Variants in MYH2 observed in about 807,000 individuals in gnomAD.
MYH2 encodes myosin heavy chain 2, also known as myosin-2.
In MYH2, 139 loss-of-function variants were observed where a neutral mutation model predicts 228.1. The observed-to-expected ratio is 0.61, with a 90% confidence interval of 0.53 to 0.70. The LOEUF is 0.70. Ranked by LOEUF, MYH2 falls within the 30% of genes least tolerant of loss-of-function variation. The pLI, the probability that MYH2 is intolerant of heterozygous loss-of-function variation, is 0.00. For synonymous variants in MYH2, 796 were observed against 871.1 expected (o/e 0.91, Z 1.52); for missense variants, 1,809 against 2,357.5 (o/e 0.77, Z 4.82).
intron 22 of MYH2, 53 bp from the exon 23 acceptor site, chr17:10,530,127 A>G (rs2073408227): frequency 1.9e-6 from 3 of 1,612,548 alleles, no homozygotes; most frequent in Non-Finnish European, 1.7e-6. Context: ...ATACTTCACA[A>G]TGGATAAGAG....
Position 10,529,007 on chromosome 17 carries a change from A to T in MYH2, c.3427T>A (p.Ser1143Thr). 1 of 1,614,176 alleles carries T rather than the reference A, an allele frequency of 6.2e-7. No individual in the cohort carries two copies. Reference protein sequence around the residue: ...ASRAKAEKQRSDLSRELEEIS... With the variant: ...ASRAKAEKQRTDLSRELEEIS... ...TCCTCCAGCTCCCGGGAGAGGTCAG[A>T]GCGCTGCTTCTCTGCTTTGGCCCGG... The change falls in exon 27 of 40, where the codon TCT becomes ACT. Residue 1143 changes from serine (S) to threonine (T), a missense_variant. Physicochemically the swap from Ser to Thr is moderately conservative, Grantham distance 58. Around this residue, in one of 9 missense-constraint regions of MYH2, gnomAD observed 636 missense variants for 729.9 expected, o/e 0.87. Transcript: ENST00000245503.
Position 10,523,330 on chromosome 17 carries a change from C to T in MYH2, c.5555G>A (p.Arg1852Gln), listed in dbSNP as rs769778269. The T allele has an allele frequency of 1.1e-5, 18 of 1,614,180 alleles. No individual in the cohort carries two copies. Among genetic ancestry groups the T allele is most frequent in the East Asian group, 2.2e-5 (1 of 44,890 alleles). Residue 1852 changes from arginine to glutamine, a missense_variant, in exon 38 of 40, where the codon CGA becomes CAA. Physicochemically the swap from Arg to Gln is conservative, Grantham distance 43. Transcript: ENST00000245503. ...AVKGLRKHER[R>Q]VKELTYQTEE... The stretch of plus-strand genomic sequence containing the variant: ...TACCTGGTAAGTGAGTTCCTTCACT[C>T]GCCTCTCATGTTTGCGCAGACCTTT...
chr17:10,521,483 C>T (rs764881698), intron 39 of MYH2, 51 bp from the exon 40 acceptor site: 11 of 1,582,914 alleles, frequency 6.9e-6, no homozygotes, highest in Non-Finnish European at 9.5e-6. Flanking sequence ...TCTTTCTAGA[C>T]TCTTTAGACC....
At position 10,537,525 on chromosome 17, in the gene MYH2, G is replaced by A. The variant is rs776466384; in HGVS notation, c.1605C>T (p.Ser535=). 1.2e-6 allele frequency: 2 copies of A among 1,614,076 alleles called. No homozygotes were observed. Among genetic ancestry groups the A allele is most frequent in the Admixed American group, 1.7e-5 (1 of 60,002 alleles). Residue 535 remains serine (S), a synonymous_variant, in exon 16 of 40, where the codon TCC becomes TCT. Transcript: ENST00000245503. The surrounding 1 kb of genome is among the most constrained non-coding windows in gnomAD (Gnocchi z 4.0). The part of the protein sequence containing the change: ...ELIEKPMGIF[S]ILEEECMFPK... ...GGAACATGCACTCCTCTTCCAGGAT[G>A]GAGAAGATGCCCATAGGCTAAAAAG... is the stretch of plus-strand genomic sequence containing the variant.
At chr17:10,543,583 C>G in intron 8 of MYH2, 128 bp downstream of exon 8, 1 of 1,385,402 alleles carries the variant, frequency 7.2e-7, no homozygotes, top group South Asian at 1.2e-5. Flanking sequence ...TTATTACATG[C>G]TCAGAGGAAA....
chr17:10,528,623 C>T (rs2073383725), intron 27 of MYH2, 67 bp downstream of exon 27: 21 of 1,610,820 alleles, frequency 1.3e-5, no homozygotes, highest in Middle Eastern at 1.6e-4. Context: ...TAAAAAGTGC[C>T]CTGTGCAAAC....
chr17:10,544,426 C>T lies in MYH2; in HGVS notation c.506-299G>A, dbSNP rs73974760. Among the ~76,000 whole-genome samples the T allele has an allele frequency of 0.011, 1,664 of 152,290 alleles. 34 individuals carry two copies. Among genetic ancestry groups the T allele is most frequent in the African/African-American group, 0.038 (1,599 of 41,558 alleles). On this transcript the variant is annotated intron_variant, in intron 5 of 39. Transcript: ENST00000245503. Reference sequence around the variant, plus strand: ...AATGCCACTCTATAAGTGATGACCACGTGGCTGTGTATTCCTGAAGCACCA... The same window carrying T: ...AATGCCACTCTATAAGTGATGACCATGTGGCTGTGTATTCCTGAAGCACCA...
rs1443344154 is a variant in MYH2, at chr17:10,525,913, C to T, written c.4188-37G>A. The T allele has an allele frequency of 6.2e-7, 1 of 1,604,750 alleles. No individual in the cohort carries two copies. The highest frequency in any genetic ancestry group is 8.5e-7 in the Non-Finnish European group (1 of 1,172,450). The stretch of plus-strand genomic sequence containing the variant: ...TACATGTTTTCAGAGAGAAGTGAAC[C>T]ATAATATGAATTATGAGCTATTGCC... On this transcript the variant is annotated intron_variant, in intron 30 of 39. Coordinates refer to ENST00000245503, the MANE Select transcript of MYH2 (RefSeq NM_017534.6). This position sits in a 1 kb window ranked among gnomAD's most constrained non-coding sequence, Gnocchi z 4.2.
intron 19 of MYH2, among the ~76,000 whole-genome samples, chr17:10,534,387 T>G (rs946835574): frequency 6.6e-6 from 1 of 152,234 alleles, no homozygotes; most frequent in Admixed American, 6.5e-5. Flanking sequence ...TTTGGGCAAG[T>G]ACCTTAATTT....
intron 17 of MYH2, among the ~76,000 whole-genome samples, chr17:10,536,286 A>G (rs1337432722): frequency 6.6e-6 from 1 of 152,180 alleles, no homozygotes; most frequent in African/African-American, 2.4e-5. Context: ...ATGTAACCCA[A>G]CACCACCTGT....
At chr17:10,535,026 T>C in intron 19 of MYH2, 47 bp downstream of exon 19, 1 of 1,589,372 alleles carries the variant, frequency 6.3e-7, no homozygotes, top group Non-Finnish European at 8.6e-7. Flanking sequence ...TGCATTAAAC[T>C]TGTTCATATT....
chr17:10,525,047 C>T lies in MYH2; in HGVS notation c.4681G>A (p.Glu1561Lys), dbSNP rs748063533. The T allele has an allele frequency of 3.1e-6, 5 of 1,614,122 alleles. No individual in the cohort carries two copies. The highest frequency in any genetic ancestry group is 1.1e-5 in the South Asian group (1 of 91,082). ...EEAEASLEHE[E>K]GKILRIQLEL... ...AGCTGGATGCGCAGGATCTTTCCCT[C>T]TTCATGTTCAAGAGATGCCTTAATG... Residue 1561 changes from glutamate (E) to lysine (K), a missense_variant, in exon 34 of 40, where the codon GAG (glutamate) becomes AAG (lysine). Around this residue, in one of 9 missense-constraint regions of MYH2, gnomAD observed 636 missense variants for 729.9 expected, o/e 0.87. Coordinates refer to ENST00000245503, the MANE Select transcript of MYH2 (RefSeq NM_017534.6). This position sits in a 1 kb window ranked among gnomAD's most constrained non-coding sequence, Gnocchi z 4.2.
chr17:10,535,310 C>T lies in MYH2; in HGVS notation c.2030G>A (p.Arg677Lys). ...TTTTGTCTCATTGGGGATGATACAC[C>T]TCACAAAGTGAGGATGGGTACTCCT... ...NLRSTHPHFV[R>K]CIIPNETKTP... The change falls in exon 18 of 40, where the codon AGG becomes AAG. Residue 677 changes from arginine (R) to lysine (K), a missense_variant. By Grantham distance (26) the Arg-to-Lys change is conservative. Transcript: ENST00000245503. 6.2e-7 allele frequency: 1 copy of T among 1,614,122 alleles called. No individual in the cohort carries two copies. Among genetic ancestry groups the T allele is most frequent in the Non-Finnish European group, 8.5e-7 (1 of 1,180,006 alleles).
chr17:10,527,239 G>A (rs183705052), intron 28 of MYH2, among the ~76,000 whole-genome samples, 183 bp from the exon 29 acceptor site: 47 of 152,214 alleles, frequency 3.1e-4, no homozygotes, highest in Admixed American at 2.6e-3. Flanking sequence ...CAGATCAATC[G>A]GAATGAATAA....
Position 10,521,255 on chromosome 17 carries a change from G to A in MYH2, c.*25C>T, listed in dbSNP as rs1331608758. The A allele has an allele frequency of 8.1e-6, 13 of 1,612,434 alleles. No homozygotes were observed. Among genetic ancestry groups the A allele is most frequent in the Middle Eastern group, 2.0e-4 (1 of 5,008 alleles). On this transcript the variant is annotated 3_prime_UTR_variant, in exon 40 of 40. Transcript: ENST00000245503. ...ATGTCACATTTTGTGCCTGTCTTCA[G>A]TCATTCCATGGCATCAGGACATGAT...
chr17:10,536,438 C>T, intron 17 of MYH2, 92 bp downstream of exon 17: 1 of 1,031,926 alleles, frequency 9.7e-7, no homozygotes, highest in Non-Finnish European at 1.5e-6. Context: ...ATAAATATAT[C>T]CTTAGAACAA....
intron 14 of MYH2, among the ~76,000 whole-genome samples, chr17:10,538,358 A>C (rs1381632089): frequency 1.3e-5 from 2 of 152,172 alleles, no homozygotes; most frequent in Admixed American, 6.5e-5. Flanking sequence ...AAAGTATGAC[A>C]ATATACATTT....
rs765877777 is a variant in MYH2, at chr17:10,547,799, G to A, written c.122C>T (p.Ala41Val). 31 of 1,614,092 alleles carry A rather than the reference G, an allele frequency of 1.9e-5. 2 individuals are homozygous for A. In the South Asian group the frequency reaches 2.6e-4, roughly 14 times the overall value. The change falls in exon 3 of 40, where the codon GCG becomes GTG. Residue 41 changes from alanine to valine, a missense_variant. By Grantham distance (64) the Ala-to-Val change is moderately conservative. Transcript: ENST00000245503. ...PFDAKTSVFV[A>V]EPKESFVKGT... is the part of the protein sequence containing the mutation. ...TTTGACAAAGGATTCTTTGGGCTCCGCCACAAAGACAGATGTTTTGGCATC... is the reference window on the plus strand; with the variant it reads ...TTTGACAAAGGATTCTTTGGGCTCCACCACAAAGACAGATGTTTTGGCATC...
At chr17:10,527,156 T>G in intron 28 of MYH2, 100 bp from the exon 29 acceptor site, 1 of 1,058,418 alleles carries the variant, frequency 9.4e-7, no homozygotes, top group Non-Finnish European at 1.5e-6. Context: ...CCAAATTGAG[T>G]GCTCAGATGG....
Sources: gnomAD v4.1 joint callset for allele counts (sites outside exome capture counted in the v4.1 genomes callset) on GRCh38, gnomAD v4.1.1 for gene constraint, gnomAD v4.1.1 regional missense constraint, Gnocchi (gnomAD v3.1) non-coding constraint, MANE v1.5 for transcripts, NCBI Gene and HGNC (gene_info 2026-07-23, HGNC 2026-07-21) for gene names.